Variants in PCDHA12 observed in about 807,000 individuals in gnomAD.
The protein encoded by PCDHA12 is protocadherin alpha-12.
Under a neutral mutation model 60.0 loss-of-function variants are expected in PCDHA12, and 44 were observed. That is an observed-to-expected ratio of 0.73 (90% CI 0.58 to 0.94). The LOEUF (loss-of-function observed/expected upper bound fraction) is 0.94. Among genes scored for constraint, PCDHA12 ranks in the 40% least tolerant of loss-of-function variants. The probability of loss-of-function intolerance (pLI) is 0.00; values close to 1 mark genes in which losing one functional copy is unlikely to be tolerated. For synonymous variants in PCDHA12, 569 were observed against 553.0 expected (o/e 1.03, Z -0.40); for missense variants, 1,276 against 1,239.7 (o/e 1.03, Z -0.44).
In PCDHA12 at chr5:140,883,789, C is replaced by T. The variant is rs782802452; in HGVS notation, c.2367+5950C>T. ...TGGGCGAGCGTGCGCTGTCGAGCTACGTGTCGGTGCACGCGGAGAGCGGCA... is the reference window on the plus strand; with the variant it reads ...TGGGCGAGCGTGCGCTGTCGAGCTATGTGTCGGTGCACGCGGAGAGCGGCA... On this transcript the variant is annotated intron_variant, in intron 1 of 3. Coordinates refer to ENST00000398631, the MANE Select transcript of PCDHA12 (RefSeq NM_018903.4). 1.4e-5 allele frequency: 22 copies of T among 1,612,296 alleles called. No homozygotes were observed. In the South Asian group the frequency reaches 2.0e-4, roughly 14 times the overall value.
intron 3 of PCDHA12, among the ~76,000 whole-genome samples, chr5:140,983,234 G>C (rs1021819523): frequency 6.6e-6 from 1 of 152,196 alleles, no homozygotes; most frequent in Non-Finnish European, 1.5e-5. Context: ...TTTCAGGAAA[G>C]AGAACCTGCT....
Position 140,875,720 on chromosome 5 carries a change from T to C in PCDHA12, c.248T>C (p.Ile83Thr), listed in dbSNP as rs1554167893. Reference protein sequence around the residue: ...DLLEVNLQNGILFVNSRIDRE... With the variant: ...DLLEVNLQNGTLFVNSRIDRE... ...CTGGAGGTAAATCTGCAGAATGGCA[T>C]TTTGTTTGTGAATTCTCGGATCGAC... The change falls in exon 1 of 4, where the codon ATT (isoleucine) becomes ACT (threonine). Residue 83 changes from isoleucine (I) to threonine (T), a missense_variant. Transcript: ENST00000398631. The C allele has an allele frequency of 1.9e-6, 3 of 1,614,092 alleles. No individual in the cohort carries two copies. The highest frequency in any genetic ancestry group is 1.7e-6 in the Non-Finnish European group (2 of 1,180,052).
intron 1 of PCDHA12, chr5:140,928,905 G>T: frequency 6.2e-7 from 1 of 1,614,138 alleles, no homozygotes; most frequent in South Asian, 1.1e-5. Flanking sequence ...AAGATGTCTG[G>T]GAACCAGGAG....
intron 3 of PCDHA12, among the ~76,000 whole-genome samples, chr5:140,991,053 A>G (rs2097429648): frequency 6.6e-6 from 1 of 152,220 alleles, no homozygotes; most frequent in Non-Finnish European, 1.5e-5. Context: ...TGAGAGAAGT[A>G]CATTATTATT....
At chr5:140,901,697 C>T (rs57431111) in intron 1 of PCDHA12, among the ~76,000 whole-genome samples, 1,867 of 152,140 alleles carry the variant, frequency 0.012, 40 homozygotes, top group African/African-American at 0.043. Context: ...TTTTGTAGTT[C>T]TATATACATT....
At chr5:140,882,488 C>T in intron 1 of PCDHA12, 6 of 1,614,074 alleles carry the variant, frequency 3.7e-6, no homozygotes, top group South Asian at 1.1e-5. Context: ...ACACGGGGAC[C>T]TTCTGGAGGT....
At chr5:140,914,116 A>T (rs2076611706) in intron 1 of PCDHA12, among the ~76,000 whole-genome samples, 1 of 152,128 alleles carries the variant, frequency 6.6e-6, no homozygotes. Flanking sequence ...ATTAAGTCTG[A>T]TGTTTCTTTG....
chr5:140,992,558 G>A (rs567645353), intron 3 of PCDHA12, among the ~76,000 whole-genome samples: 27 of 152,256 alleles, frequency 1.8e-4, no homozygotes, highest in African/African-American at 5.8e-4. Context: ...CCAGGAGATG[G>A]GGCAACACAT....
At chr5:140,967,643 A>G in intron 1 of PCDHA12, 1 of 1,614,164 alleles carries the variant, frequency 6.2e-7, no homozygotes, top group East Asian at 2.2e-5. Flanking sequence ...TGGTGAGCTC[A>G]GGTACTCCTT....
intron 1 of PCDHA12, among the ~76,000 whole-genome samples, chr5:140,921,475 A>G (rs1323812887): frequency 6.6e-6 from 1 of 152,074 alleles, no homozygotes; most frequent in Non-Finnish European, 1.5e-5. Context: ...CTACCAAACC[A>G]CTCTACCTGA....
intron 1 of PCDHA12, chr5:140,928,422 A>T (rs782264875): frequency 1.2e-6 from 2 of 1,614,136 alleles, no homozygotes; most frequent in Admixed American, 3.3e-5. Context: ...TCACTGCCAA[A>T]ACTTCCTTTG....
intron 2 of PCDHA12, among the ~76,000 whole-genome samples, chr5:140,979,418 T>A (rs895579689): frequency 3.3e-5 from 5 of 152,178 alleles, no homozygotes; most frequent in South Asian, 2.1e-4. Flanking sequence ...GTTTTTTTTT[T>A]AATCTCACAT....
chr5:140,940,076 T>C (rs1469877434), intron 1 of PCDHA12, among the ~76,000 whole-genome samples: 2 of 152,230 alleles, frequency 1.3e-5, no homozygotes, highest in Non-Finnish European at 2.9e-5. Flanking sequence ...ATGTGATATC[T>C]TTCTGCTAAA....
chr5:140,935,995 C>T (rs1282709145), intron 1 of PCDHA12, among the ~76,000 whole-genome samples: 7 of 150,888 alleles, frequency 4.6e-5, no homozygotes, highest in South Asian at 2.1e-4. Context: ...CGGGTTCAAG[C>T]GATTCTCCCA....
At chr5:140,992,643 A>C (rs1215653539) in intron 3 of PCDHA12, among the ~76,000 whole-genome samples, 1 of 152,148 alleles carries the variant, frequency 6.6e-6, no homozygotes. Context: ...CCTGGAAAAT[A>C]GAAGAAAGAG....
intron 1 of PCDHA12, among the ~76,000 whole-genome samples, chr5:140,948,132 C>G (rs1397250622): frequency 1.3e-5 from 2 of 151,526 alleles, no homozygotes; most frequent in African/African-American, 4.8e-5. Context: ...TTGGATTACA[C>G]TAATTGATTT....
intron 1 of PCDHA12, among the ~76,000 whole-genome samples, chr5:140,900,977 C>T (rs1223245503): frequency 2.0e-5 from 3 of 152,112 alleles, no homozygotes; most frequent in South Asian, 2.1e-4. Flanking sequence ...AGTATCTTTT[C>T]CTATACCTGT....
chr5:140,973,556 C>A lies in PCDHA12; in HGVS notation c.2368-5393C>A, dbSNP rs993191449. Among the ~76,000 whole-genome samples the A allele has an allele frequency of 3.9e-5, 6 of 152,336 alleles. 1 individual carries two copies. In the South Asian group the frequency reaches 1.2e-3, roughly 32 times the overall value. ...ATACAATAATTTATTTCAATTACCT[C>A]TTTCCTCAATTTTTCTACAGACTGC... On this transcript the variant is annotated intron_variant, in intron 1 of 3. Coordinates refer to ENST00000398631, the MANE Select transcript of PCDHA12 (RefSeq NM_018903.4).
In PCDHA12 at chr5:140,997,121, A is replaced by G. The variant is rs138556400; in HGVS notation, c.2516-12506A>G. On this transcript the variant is annotated intron_variant, in intron 3 of 3. Transcript: ENST00000398631. ...CTCATGCACTCCTGCTCTCCCACAT[A>G]CACAATGCCCCCACACCCCCGCCAC... 2.1e-4 allele frequency among the ~76,000 whole-genome samples: 32 copies of G among 152,152 alleles called. No individual in the cohort carries two copies. The East Asian group carries it at 5.8e-3, about 28-fold the overall frequency.
Sources: gnomAD v4.1 joint callset for allele counts (sites outside exome capture counted in the v4.1 genomes callset) on GRCh38, gnomAD v4.1.1 for gene constraint, MANE v1.5 for transcripts, NCBI Gene and HGNC (gene_info 2026-07-23, HGNC 2026-07-21) for gene names.